The following PIGU variants were observed in gnomAD, a reference collection of about 807,000 sequenced individuals.
The protein encoded by PIGU is phosphatidylinositol glycan anchor biosynthesis class U, also known as GPI-anchor transamidase component PIGU.
A neutral mutation model predicts 49.9 loss-of-function variants in PIGU; 24 were observed. The observed-to-expected ratio is 0.48, with a 90% CI of 0.35 to 0.68. PIGU has a LOEUF of 0.68. Ranked by LOEUF, PIGU falls within the 30% of genes least tolerant of loss-of-function variation. PIGU has a pLI of 0.01. For missense variants in PIGU, 490 were observed against 532.6 expected, an observed-to-expected ratio of 0.92 and a Z score of 0.79; for synonymous variants, 220 against 205.7, an observed-to-expected ratio of 1.07 and a Z score of -0.59.
At chr20:34,606,300 A>G (rs1188145330) in intron 7 of PIGU, among the ~76,000 whole-genome samples, 1 of 151,774 alleles carries the variant, frequency 6.6e-6, no homozygotes, top group African/African-American at 2.4e-5. Flanking sequence ...TCTAATATCT[A>G]ATCTGTCTTC....
intron 6 of PIGU, among the ~76,000 whole-genome samples, chr20:34,620,187 C>T (rs1356106229): frequency 1.3e-5 from 2 of 152,204 alleles, no homozygotes; most frequent in African/African-American, 4.8e-5. Flanking sequence ...CAACAGCAAA[C>T]AAGACCCTTC....
intron 1 of PIGU, among the ~76,000 whole-genome samples, chr20:34,666,687 CTTTTTTTTTTT>C (rs918644106): frequency 1.1e-5 from 1 of 90,606 alleles, no homozygotes; most frequent in Non-Finnish European, 2.2e-5. Context: ...CTGACTAATT[CTTTTTTTTTTT>C]TTTTTTTTTT....
rs563169674 is a variant in PIGU, at chr20:34,652,049, G to C, written c.195+5131C>G. ...TGATTTTACTCTGTTGCCTAGGCTG[G>C]GGTGCAGAGGTATAATCATGGCTCA... On this transcript the variant is annotated intron_variant, in intron 2 of 11. Coordinates refer to ENST00000217446, the MANE Select transcript of PIGU (RefSeq NM_080476.5). Among the ~76,000 whole-genome samples the C allele has an allele frequency of 1.1e-4, 16 of 152,200 alleles. No individual in the cohort carries two copies. The South Asian group carries it at 3.3e-3, about 32-fold the overall frequency.
intron 7 of PIGU, among the ~76,000 whole-genome samples, chr20:34,594,106 G>A (rs1984099917): frequency 6.8e-6 from 1 of 147,398 alleles, no homozygotes; most frequent in Non-Finnish European, 1.5e-5. Context: ...GAGCCCAGGA[G>A]GTTGAGGCTT....
rs551134249 is a variant in PIGU, at chr20:34,636,285, G to A, written c.429-1570C>T. ...CGGCCAGGAGCAATAACTCATGCCTGTAATCCCAGCACTTTGGGAGGCCGA... is the reference window on the plus strand; with the variant it reads ...CGGCCAGGAGCAATAACTCATGCCTATAATCCCAGCACTTTGGGAGGCCGA... On this transcript the variant is annotated intron_variant, in intron 5 of 11. Transcript: ENST00000217446. 3.5e-4 allele frequency among the ~76,000 whole-genome samples: 54 copies of A among 152,126 alleles called. No homozygotes were observed. The South Asian group carries it at 0.011, about 32-fold the overall frequency.
At chr20:34,602,006 G>A (rs547504325) in intron 7 of PIGU, among the ~76,000 whole-genome samples, 2 of 152,364 alleles carry the variant, frequency 1.3e-5, no homozygotes, top group Admixed American at 1.3e-4. Flanking sequence ...TATGGGCTGG[G>A]TATGGTGGCT....
At chr20:34,594,465 A>G (rs1984114616) in intron 7 of PIGU, among the ~76,000 whole-genome samples, 1 of 152,184 alleles carries the variant, frequency 6.6e-6, no homozygotes, top group Non-Finnish European at 1.5e-5. Flanking sequence ...TCCAGGAAAT[A>G]ATGTTAAGTG....
intron 1 of PIGU, among the ~76,000 whole-genome samples, chr20:34,663,588 G>A (rs555733954): frequency 4.3e-4 from 66 of 152,224 alleles, no homozygotes; most frequent in Middle Eastern, 3.4e-3. Flanking sequence ...AGAAGGTAGG[G>A]TAGTCCTATA....
Position 34,622,409 on chromosome 20 carries a change from C to T in PIGU, c.530-6270G>A, listed in dbSNP as rs555375559. The stretch of plus-strand genomic sequence containing the variant: ...GCGGGCGCATGTAGTCCCAGCTATT[C>T]GGGAGGCTGAGGCAGGAGAATCTCT... On this transcript the variant is annotated intron_variant, in intron 6 of 11. Transcript: ENST00000217446. 2.6e-5 allele frequency among the ~76,000 whole-genome samples: 4 copies of T among 151,772 alleles called. No individual in the cohort carries two copies. In the East Asian group the frequency reaches 5.8e-4, roughly 22 times the overall value.
rs781262239 is a variant in PIGU at position 34,669,426 on chromosome 20, G to GAGGCA, written c.130+7529_130+7530insTGCCT. Among the ~76,000 whole-genome samples the GAGGCA allele has an allele frequency of 2.3e-4, 35 of 152,218 alleles. No homozygotes were observed. In the East Asian group the frequency reaches 5.6e-3, roughly 24 times the overall value. ...TCATGCCTGTAATCCCAGCACTTTG[G>GAGGCA]GAGGCAGAGGCAGGTAGATCACTTG... On this transcript the variant is annotated intron_variant, in intron 1 of 11. Coordinates refer to ENST00000217446, the MANE Select transcript of PIGU (RefSeq NM_080476.5).
intron 6 of PIGU, among the ~76,000 whole-genome samples, chr20:34,616,515 T>C (rs1178804307): frequency 6.6e-6 from 1 of 152,206 alleles, no homozygotes; most frequent in Admixed American, 6.5e-5. Flanking sequence ...TTGCTTATGA[T>C]ATCCAGAGCT....
intron 5 of PIGU, among the ~76,000 whole-genome samples, chr20:34,637,352 T>A (rs1986000098): frequency 6.6e-6 from 1 of 152,058 alleles, no homozygotes; most frequent in Admixed American, 6.6e-5. Context: ...CCCAAAAGAG[T>A]ACAACTTAAT....
Position 34,654,773 on chromosome 20 carries a change from G to A in PIGU, c.195+2407C>T, listed in dbSNP as rs1448005616. Among the ~76,000 whole-genome samples the A allele has an allele frequency of 1.2e-4, 14 of 118,400 alleles. 4 individuals are homozygous for A. Among genetic ancestry groups the A allele is most frequent in the Non-Finnish European group, 2.0e-4 (11 of 55,558 alleles). 77.7% of individuals were successfully genotyped at this position (118,400 alleles called of 152,430 possible). A position where few individuals can be genotyped will look rare whatever the true frequency, so the allele number is the denominator to read the frequency against. Reference sequence around the variant, plus strand: ...TGTAATCCCAGCACTTTGGGAGGCCGAGGCAGGCGGATCACAAGGTCAGGA... The same window carrying A: ...TGTAATCCCAGCACTTTGGGAGGCCAAGGCAGGCGGATCACAAGGTCAGGA... On this transcript the variant is annotated intron_variant, in intron 2 of 11. Coordinates refer to ENST00000217446, the MANE Select transcript of PIGU (RefSeq NM_080476.5).
chr20:34,610,204 G>C (rs768078654), intron 7 of PIGU, among the ~76,000 whole-genome samples: 6 of 152,176 alleles, frequency 3.9e-5, no homozygotes, highest in Non-Finnish European at 7.3e-5. Context: ...GTTCTGGCCA[G>C]AGCAATCAGG....
intron 11 of PIGU, among the ~76,000 whole-genome samples, chr20:34,569,719 C>T (rs139325248): frequency 1.0e-3 from 156 of 152,232 alleles, no homozygotes; most frequent in African/African-American, 2.8e-3. Flanking sequence ...GGGATTGGCA[C>T]GGGGAGGTCA....
At chr20:34,578,765 A>G (rs1189651490) in intron 10 of PIGU, among the ~76,000 whole-genome samples, 1 of 152,182 alleles carries the variant, frequency 6.6e-6, no homozygotes, top group East Asian at 1.9e-4. Flanking sequence ...AAAGCTATAT[A>G]TGCCAGAGCA....
At chr20:34,662,716 C>T (rs573704726) in intron 1 of PIGU, among the ~76,000 whole-genome samples, 4 of 152,138 alleles carry the variant, frequency 2.6e-5, no homozygotes, top group African/African-American at 9.6e-5. Context: ...TATAAGCATT[C>T]ATTTAATTAT....
chr20:34,665,587 G>A (rs965959762), intron 1 of PIGU, among the ~76,000 whole-genome samples: 1 of 151,874 alleles, frequency 6.6e-6, no homozygotes, highest in African/African-American at 2.4e-5. Flanking sequence ...TGATCTGCCC[G>A]CCTCAGCCTC....
chr20:34,631,049 A>G (rs182704400), intron 6 of PIGU, among the ~76,000 whole-genome samples: 107 of 152,334 alleles, frequency 7.0e-4, no homozygotes, highest in Non-Finnish European at 1.3e-3. Flanking sequence ...TACCAGGAAG[A>G]CAAAGAGACT....
Sources: gnomAD v4.1 joint callset for allele counts (sites outside exome capture counted in the v4.1 genomes callset) on GRCh38, gnomAD v4.1.1 for gene constraint, MANE v1.5 for transcripts, NCBI Gene and HGNC (gene_info 2026-07-23, HGNC 2026-07-21) for gene names.